The following PCDHA6 variants were observed in gnomAD, a reference collection of about 807,000 sequenced individuals.
PCDHA6 encodes protocadherin alpha-6.
Under a neutral mutation model 60.3 loss-of-function variants are expected in PCDHA6, and 55 were observed. The observed-to-expected ratio is 0.91, with a 90% CI of 0.73 to 1.14. PCDHA6 has a LOEUF of 1.14. Ranked by LOEUF, PCDHA6 falls within the 50% of genes most tolerant of loss-of-function variation. PCDHA6 has a pLI of 0.00. For synonymous variants in PCDHA6, 652 were observed against 557.9 expected (o/e 1.17, Z -2.38); for missense variants, 1,327 against 1,256.5 (o/e 1.06, Z -0.85).
chr5:140,969,372 T>G, intron 1 of PCDHA6: 1 of 1,606,704 alleles, frequency 6.2e-7, no homozygotes, highest in Non-Finnish European at 8.5e-7. Context: ...ACTCATGCAT[T>G]TGTTACACAT....
intron 1 of PCDHA6, among the ~76,000 whole-genome samples, chr5:140,921,890 G>A (rs1167996919): frequency 1.3e-5 from 2 of 151,710 alleles, no homozygotes; most frequent in African/African-American, 2.4e-5. Flanking sequence ...ATTTTAGAAA[G>A]GAGGATAAAT....
intron 1 of PCDHA6, chr5:140,966,383 C>T: frequency 2.5e-6 from 1 of 405,022 alleles, no homozygotes; most frequent in East Asian, 3.6e-5. Context: ...TCCGGGTTCG[C>T]TGTCCGCCAC....
intron 1 of PCDHA6, among the ~76,000 whole-genome samples, chr5:140,964,690 A>G (rs1554227180): frequency 2.6e-5 from 4 of 152,036 alleles, no homozygotes. Context: ...TGTGCACTTG[A>G]GAGATTAAGG....
chr5:140,837,902 C>T (rs1358227516), intron 1 of PCDHA6, among the ~76,000 whole-genome samples: 2 of 151,630 alleles, frequency 1.3e-5, no homozygotes, highest in Non-Finnish European at 2.9e-5. Context: ...TGGTCTTGAA[C>T]TCCTGGCTTC....
intron 1 of PCDHA6, among the ~76,000 whole-genome samples, chr5:140,879,868 A>G (rs544274525): frequency 2.0e-5 from 3 of 152,222 alleles, no homozygotes; most frequent in Middle Eastern, 3.4e-3. Context: ...CTCAGCTTTC[A>G]TGGTCACATT....
At chr5:140,876,324 T>A in intron 1 of PCDHA6, 1 of 1,614,000 alleles carries the variant, frequency 6.2e-7, no homozygotes, top group Non-Finnish European at 8.5e-7. Context: ...TCAAAATGAT[T>A]TTGCCAGTGA....
intron 3 of PCDHA6, among the ~76,000 whole-genome samples, chr5:140,988,691 G>A (rs1205492528): frequency 6.6e-6 from 1 of 152,114 alleles, no homozygotes; most frequent in African/African-American, 2.4e-5. Context: ...TTCCCTAGAC[G>A]CTCTGTATTT....
At chr5:140,941,255 C>CTTTCTT (rs782490896) in intron 1 of PCDHA6, among the ~76,000 whole-genome samples, 957 of 44,428 alleles carry the variant, frequency 0.022, 12 homozygotes, top group African/African-American at 0.028. Flanking sequence ...TTCTTTCTTT[C>CTTTCTT]TCTTTCTTTC....
intron 1 of PCDHA6, chr5:140,834,468 G>A: frequency 6.2e-7 from 1 of 1,614,146 alleles, no homozygotes; most frequent in Non-Finnish European, 8.5e-7. Flanking sequence ...GGCAGGGAGA[G>A]GCCAGCTCCA....
At chr5:140,842,532 A>G in intron 1 of PCDHA6, 1 of 1,613,066 alleles carries the variant, frequency 6.2e-7, no homozygotes, top group African/African-American at 1.3e-5. Context: ...TTCAAGAATT[A>G]CTACTCGTTG....
chr5:140,858,417 G>A, intron 1 of PCDHA6: 1 of 1,560,448 alleles, frequency 6.4e-7, no homozygotes, highest in Non-Finnish European at 8.7e-7. Context: ...CAGTCTATTG[G>A]AGGGGACCAC....
intron 1 of PCDHA6, chr5:140,834,145 G>C (rs1260830978): frequency 1.9e-6 from 1 of 519,062 alleles, no homozygotes; most frequent in African/African-American, 1.9e-5. Context: ...TTAATAGTTT[G>C]TAATGGTTTG....
chr5:140,869,650 C>A, intron 1 of PCDHA6: 1 of 1,613,504 alleles, frequency 6.2e-7, no homozygotes, highest in African/African-American at 1.3e-5. Flanking sequence ...TTTAGATTCA[C>A]CAACAAATGG....
intron 1 of PCDHA6, among the ~76,000 whole-genome samples, chr5:140,872,172 T>G (rs912989922): frequency 6.6e-6 from 1 of 152,230 alleles, no homozygotes; most frequent in Non-Finnish European, 1.5e-5. Flanking sequence ...TTTCTTTTTT[T>G]TTTTTACAGT....
chr5:140,982,611 T>G, intron 3 of PCDHA6, 48 bp downstream of exon 3: 2 of 1,600,048 alleles, frequency 1.2e-6, no homozygotes, highest in South Asian at 2.2e-5. Flanking sequence ...TGGAAAGTGA[T>G]CAGATGACCT....
At chr5:140,877,736 G>A (rs979836328) in intron 1 of PCDHA6, 22 of 1,614,170 alleles carry the variant, frequency 1.4e-5, no homozygotes, top group East Asian at 2.2e-5. Flanking sequence ...CAGCAGAGGA[G>A]GCAGAGGGTG....
At position 140,828,122 on chromosome 5, in the gene PCDHA6, A is replaced by T; in HGVS notation, c.31A>T (p.Lys11Ter). 2 of 1,612,976 alleles carry T rather than the reference A, an allele frequency of 1.2e-6. No individual in the cohort carries two copies. ...GTTTACCCCGGAGGATAGATTGGGA[A>T]AGCAATGTCTGCTCCTCCCGCTTCT... MVFTPEDRLG[K>*]QCLLLPLLLL... The change falls in exon 1 of 4, where the codon AAG (lysine) becomes TAG (stop). Residue 11 changes from lysine (K) to a stop codon, truncating the protein, a stop_gained. Coordinates refer to ENST00000529310, the MANE Select transcript of PCDHA6 (RefSeq NM_018909.4). LOFTEE classifies it high-confidence loss of function.
chr5:140,875,054 C>A (rs2055251816), intron 1 of PCDHA6, among the ~76,000 whole-genome samples: 1 of 152,146 alleles, frequency 6.6e-6, no homozygotes, highest in Non-Finnish European at 1.5e-5. Flanking sequence ...TACTTTGAAG[C>A]AGAAAACATT....
chr5:140,941,210 T>TTC (rs2092846943), intron 1 of PCDHA6, among the ~76,000 whole-genome samples: 12 of 100,630 alleles, frequency 1.2e-4, no homozygotes, highest in Admixed American at 4.7e-4. Context: ...TTCCTTTCTT[T>TTC]CTTCCTTTCT....
Sources: gnomAD v4.1 joint callset for allele counts (sites outside exome capture counted in the v4.1 genomes callset) on GRCh38, gnomAD v4.1.1 for gene constraint, MANE v1.5 for transcripts, NCBI Gene and HGNC (gene_info 2026-07-23, HGNC 2026-07-21) for gene names.